The following VPS8 variants were observed in gnomAD, a reference collection of about 807,000 sequenced individuals.
The protein encoded by VPS8 is vacuolar protein sorting-associated protein 8 homolog.
Under a neutral mutation model 216.4 loss-of-function variants are expected in VPS8, and 129 were observed. The ratio of observed to expected loss-of-function variants is 0.60; its 90% CI spans 0.52 to 0.69. The LOEUF (loss-of-function observed/expected upper bound fraction) is 0.69, where lower values mean the gene tolerates loss of function less well. Ranked by LOEUF, VPS8 falls within the 30% of genes least tolerant of loss-of-function variation. VPS8 has a pLI of 0.00. For missense variants in VPS8, 1,531 were observed against 1,683.5 expected (o/e 0.91, Z 1.59); for synonymous variants, 571 against 565.4 (o/e 1.01, Z -0.14).
chr3:184,884,035 A>G (rs184565429), intron 21 of VPS8, among the ~76,000 whole-genome samples: 1 of 151,930 alleles, frequency 6.6e-6, no homozygotes, highest in African/African-American at 2.4e-5. Context: ...GAGTTTTTGA[A>G]CTTGCTTCTT....
chr3:184,832,117 G>A (rs1720123670), intron 3 of VPS8, among the ~76,000 whole-genome samples: 1 of 152,098 alleles, frequency 6.6e-6, no homozygotes, highest in Non-Finnish European at 1.5e-5. Context: ...CATGGTTTGG[G>A]TACCAGCTTA....
chr3:184,828,514 A>C (rs568814389), intron 3 of VPS8, among the ~76,000 whole-genome samples: 1 of 152,148 alleles, frequency 6.6e-6, no homozygotes, highest in South Asian at 2.1e-4. Flanking sequence ...AAAGAATGTT[A>C]CTAGGTATTG....
chr3:185,021,098 A>G (rs1756593528), intron 45 of VPS8, among the ~76,000 whole-genome samples: 2 of 152,180 alleles, frequency 1.3e-5, no homozygotes, highest in South Asian at 4.1e-4. Flanking sequence ...ACAAGATGAT[A>G]AAGAAGATAT....
chr3:184,860,745 G>A (rs1055871314), intron 15 of VPS8, among the ~76,000 whole-genome samples: 5 of 151,442 alleles, frequency 3.3e-5, no homozygotes, highest in African/African-American at 4.9e-5. Flanking sequence ...AGCAGCTTGT[G>A]CAACCTCTTT....
Position 184,964,210 on chromosome 3 carries a change from T to G in VPS8, c.3184-258T>G, listed in dbSNP as rs183197361. 3.9e-5 allele frequency among the ~76,000 whole-genome samples: 6 copies of G among 152,208 alleles called. No individual in the cohort carries two copies. In the South Asian group the frequency reaches 1.0e-3, roughly 26 times the overall value. On this transcript the variant is annotated intron_variant, in intron 37 of 47. Coordinates refer to ENST00000625842, the MANE Select transcript of VPS8 (RefSeq NM_001009921.3). ...TATATAAGTTAGCTTTTCTCCAGTG[T>G]GTATACCTAATTCAGGTGTGTAACA...
chr3:185,018,031 T>C (rs931102121), intron 45 of VPS8, among the ~76,000 whole-genome samples: 4 of 152,172 alleles, frequency 2.6e-5, no homozygotes, highest in African/African-American at 9.7e-5. Context: ...CTTCCCACAG[T>C]TAAAACAAGC....
chr3:184,914,275 C>G, intron 26 of VPS8, among the ~76,000 whole-genome samples: 1 of 152,260 alleles, frequency 6.6e-6, no homozygotes, highest in East Asian at 1.9e-4. Flanking sequence ...TCATCTGTAC[C>G]TTAAACTCTT....
chr3:185,016,066 A>G (rs1305906599), intron 45 of VPS8, among the ~76,000 whole-genome samples: 1 of 152,210 alleles, frequency 6.6e-6, no homozygotes, highest in African/African-American at 2.4e-5. Flanking sequence ...GCCGAGGGCT[A>G]GTGAGACTAG....
intron 4 of VPS8, among the ~76,000 whole-genome samples, chr3:184,833,866 C>T (rs1577789155): frequency 6.6e-6 from 1 of 152,280 alleles, no homozygotes; most frequent in South Asian, 2.1e-4. Context: ...TCTTCATTTG[C>T]ATTTATATGG....
chr3:184,936,832 G>T (rs1294391958), intron 35 of VPS8, among the ~76,000 whole-genome samples: 1 of 151,778 alleles, frequency 6.6e-6, no homozygotes, highest in Non-Finnish European at 1.5e-5. Context: ...CCGCCTCCCG[G>T]GTTCAAGCCA....
chr3:184,869,673 G>A (rs1392942056), intron 20 of VPS8, 145 bp downstream of exon 20: 1 of 740,126 alleles, frequency 1.4e-6, no homozygotes, highest in Non-Finnish European at 2.1e-6. Context: ...ACACACACTT[G>A]GGGTCAGGGG....
At chr3:184,855,185 A>G (rs983680028) in intron 13 of VPS8, among the ~76,000 whole-genome samples, 1 of 152,054 alleles carries the variant, frequency 6.6e-6, no homozygotes, top group Non-Finnish European at 1.5e-5. Context: ...TATTATAAAC[A>G]TTTTCAAACA....
intron 29 of VPS8, among the ~76,000 whole-genome samples, chr3:184,921,885 G>T (rs1393520971): frequency 1.3e-5 from 2 of 152,108 alleles, no homozygotes; most frequent in African/African-American, 4.8e-5. Context: ...CTGTTTCTAA[G>T]TTAGGAGGGA....
chr3:184,863,247 G>C (rs1190689171), intron 16 of VPS8, among the ~76,000 whole-genome samples, 180 bp downstream of exon 16: 2 of 152,144 alleles, frequency 1.3e-5, no homozygotes, highest in Non-Finnish European at 2.9e-5. Context: ...GGGAATACAA[G>C]CTAAAACAAT....
chr3:184,864,578 A>G (rs567156349), intron 16 of VPS8, among the ~76,000 whole-genome samples: 1 of 152,332 alleles, frequency 6.6e-6, no homozygotes, highest in Admixed American at 6.5e-5. Context: ...TACACCAGCT[A>G]GAATGGAAAG....
rs565869104 is a variant in VPS8 at position 184,894,688 on chromosome 3, C to T, written c.1782-15C>T. 3 of 1,568,506 alleles carry T rather than the reference C, an allele frequency of 1.9e-6. No individual in the cohort carries two copies. Among genetic ancestry groups the T allele is most frequent in the East Asian group, 2.3e-5 (1 of 43,550 alleles). Reference sequence around the variant, plus strand: ...CATGTTCCTAAAAGTTTTTCTCCCCCCCTTTCTGTTACAGGGATCTTTTAT... The same window carrying T: ...CATGTTCCTAAAAGTTTTTCTCCCCTCCTTTCTGTTACAGGGATCTTTTAT... On this transcript the variant is annotated splice_polypyrimidine_tract_variant and intron_variant, in intron 22 of 47. Coordinates refer to ENST00000625842, the MANE Select transcript of VPS8 (RefSeq NM_001009921.3).
At chr3:184,850,573 T>G (rs1288250689) in intron 10 of VPS8, among the ~76,000 whole-genome samples, 3 of 152,214 alleles carry the variant, frequency 2.0e-5, no homozygotes, top group Non-Finnish European at 4.4e-5. Context: ...TAGTCTTGGC[T>G]TTCTCCTTAT....
chr3:184,866,800 A>G, intron 16 of VPS8, 76 bp from the exon 17 acceptor site: 2 of 1,348,356 alleles, frequency 1.5e-6, no homozygotes, highest in Non-Finnish European at 2.1e-6. Context: ...AGTCATTAAT[A>G]GTGATGAAAT....
At chr3:185,015,618 A>T (rs1369176725) in intron 45 of VPS8, among the ~76,000 whole-genome samples, 1 of 152,218 alleles carries the variant, frequency 6.6e-6, no homozygotes, top group Non-Finnish European at 1.5e-5. Flanking sequence ...AAATGTAGTT[A>T]TTTTAGGGAG....
Sources: gnomAD v4.1 joint callset for allele counts (sites outside exome capture counted in the v4.1 genomes callset) on GRCh38, gnomAD v4.1.1 for gene constraint, MANE v1.5 for transcripts, NCBI Gene and HGNC (gene_info 2026-07-23, HGNC 2026-07-21) for gene names.